ZMYND8: variants seen among roughly 807,000 people sequenced by gnomAD.
The protein encoded by ZMYND8 is zinc finger MYND-type containing 8.
A neutral mutation model predicts 140.8 loss-of-function variants in ZMYND8; 37 were observed. That is an observed-to-expected ratio of 0.26 (90% CI 0.20 to 0.35). The LOEUF is 0.35. Among genes scored for constraint, ZMYND8 ranks in the 10% least tolerant of loss-of-function variants. The pLI, the probability that ZMYND8 is intolerant of heterozygous loss-of-function variation, is 1.00. For missense variants in ZMYND8, 1,068 were observed against 1,570.0 expected (o/e 0.68, Z 5.40); for synonymous variants, 592 against 597.1 (o/e 0.99, Z 0.12).
intron 16 of ZMYND8, among the ~76,000 whole-genome samples, chr20:47,230,865 C>T (rs776722144): frequency 1.3e-5 from 2 of 152,150 alleles, no homozygotes; most frequent in African/African-American, 2.4e-5. Flanking sequence ...GCTCCCCCAG[C>T]GCCTGACAAC....
chr20:47,231,736 C>T (rs1424739741), intron 16 of ZMYND8, among the ~76,000 whole-genome samples: 1 of 152,258 alleles, frequency 6.6e-6, no homozygotes, highest in Non-Finnish European at 1.5e-5. Context: ...TGCAGCCCTC[C>T]TGCACTTGCC....
intron 1 of ZMYND8, chr20:47,351,568 A>G: frequency 1.3e-6 from 1 of 761,942 alleles, no homozygotes. Flanking sequence ...TTAATCCCCA[A>G]GGCATAACAT....
chr20:47,275,703 G>T (rs2076215311), intron 11 of ZMYND8, among the ~76,000 whole-genome samples: 1 of 151,884 alleles, frequency 6.6e-6, no homozygotes, highest in Non-Finnish European at 1.5e-5. Flanking sequence ...CCCAGGCTCC[G>T]GCAATCCTCC....
chr20:47,253,242 A>C (rs2074328427), intron 12 of ZMYND8, among the ~76,000 whole-genome samples: 1 of 152,194 alleles, frequency 6.6e-6, no homozygotes, highest in African/African-American at 2.4e-5. Flanking sequence ...AGCCTTTTAC[A>C]AACTTGCCAG....
chr20:47,270,697 GAAAAAAAAAA>G (rs34474269), intron 11 of ZMYND8, among the ~76,000 whole-genome samples: 4 of 86,636 alleles, frequency 4.6e-5, no homozygotes, highest in Non-Finnish European at 8.4e-5. Flanking sequence ...CCCTGTCTCT[GAAAAAAAAAA>G]AAAAAAAAAA....
intron 17 of ZMYND8, 71 bp from the exon 18 acceptor site, chr20:47,227,352 C>T (rs2037848050): frequency 2.8e-6 from 4 of 1,439,926 alleles, no homozygotes; most frequent in Non-Finnish European, 3.9e-6. Context: ...AGAAGCTCAA[C>T]CACGGCTGGC....
rs1465428246 is a variant in ZMYND8, at chr20:47,228,109, T to A, written c.2938-828A>T. On this transcript the variant is annotated intron_variant, in intron 17 of 22. Transcript: ENST00000471951. ...CTCTTCTCAAAAAAAAAAAAAAAAA[T>A]TTAATTTAAAAAATAATAATAAACA... 5.4e-5 allele frequency among the ~76,000 whole-genome samples: 8 copies of A among 149,070 alleles called. No homozygotes were observed. The East Asian group carries it at 7.8e-4, about 14-fold the overall frequency.
At chr20:47,256,385 C>T (rs562944773) in intron 12 of ZMYND8, among the ~76,000 whole-genome samples, 36 of 152,088 alleles carry the variant, frequency 2.4e-4, no homozygotes, top group African/African-American at 8.0e-4. Flanking sequence ...TTTGGGAGGC[C>T]GAGGCGAGTG....
intron 17 of ZMYND8, among the ~76,000 whole-genome samples, chr20:47,227,714 C>T (rs1338028281): frequency 6.6e-6 from 1 of 152,162 alleles, no homozygotes; most frequent in Non-Finnish European, 1.5e-5. Context: ...TATTTCTGGG[C>T]AGAGGAAGTG....
chr20:47,215,169 T>C (rs2035897432), intron 21 of ZMYND8, among the ~76,000 whole-genome samples: 3 of 152,160 alleles, frequency 2.0e-5, no homozygotes, highest in Admixed American at 2.0e-4. Context: ...GCTCAGGAGT[T>C]CGAGACCAAC....
intron 12 of ZMYND8, among the ~76,000 whole-genome samples, chr20:47,254,702 T>A (rs762849273): frequency 3.3e-4 from 45 of 135,786 alleles, no homozygotes; most frequent in Non-Finnish European, 6.6e-4. Flanking sequence ...GATATTTGGG[T>A]CCTGGATAAG....
chr20:47,277,651 T>TTTTATTTA (rs35308600), intron 10 of ZMYND8, among the ~76,000 whole-genome samples: 3,451 of 147,598 alleles, frequency 0.023, 99 homozygotes, highest in African/African-American at 0.064. Context: ...AATTAATTCA[T>TTTTATTTA]TTTATTTATT....
chr20:47,347,757 C>T lies in ZMYND8; in HGVS notation c.85+99G>A, dbSNP rs1602156252. 13 of 1,136,780 alleles carry T rather than the reference C, an allele frequency of 1.1e-5. No individual in the cohort carries two copies. In the East Asian group the frequency reaches 1.7e-4, roughly 14 times the overall value. 70.4% of individuals were successfully genotyped at this position (1,136,780 alleles called of 1,614,324 possible). On this transcript the variant is annotated intron_variant, in intron 2 of 22. Transcript: ENST00000471951. ...GAAAATCCAAGAAGAGTTACAACGT[C>T]GGCTCAGAGAGCCACACACTTCACT...
In ZMYND8 at chr20:47,298,893, G is replaced by T. The variant is rs749149790; in HGVS notation, c.289C>A (p.Pro97Thr). The T allele has an allele frequency of 3.1e-6, 5 of 1,614,110 alleles. No homozygotes were observed. In the South Asian group the frequency reaches 5.5e-5, roughly 18 times the overall value. ...CCATCCTGCGGTACAACATCAACAG[G>T]GTCTGTGGTGAGTGGCTGCTTCATA... The part of the protein sequence containing the change: ...YYMKQPLTTD[P>T]VDVVPQDGRN... The change falls in exon 4 of 23, where the codon CCT (proline) becomes ACT (threonine). Residue 97 changes from proline (P) to threonine (T), a missense_variant. Physicochemically the swap from Pro to Thr is conservative, Grantham distance 38 (BLOSUM62 -1). Around this residue, in one of 10 missense-constraint regions of ZMYND8, gnomAD observed 109 missense variants for 314.9 expected, o/e 0.35. Transcript: ENST00000471951. This position sits in a 1 kb window ranked among gnomAD's most constrained non-coding sequence, Gnocchi z 5.0.
At chr20:47,281,083 C>T (rs987297228) in intron 10 of ZMYND8, among the ~76,000 whole-genome samples, 6 of 151,978 alleles carry the variant, frequency 3.9e-5, no homozygotes, top group African/African-American at 1.2e-4. Flanking sequence ...CAGGCTGGCA[C>T]GCAGCAGTCA....
chr20:47,261,581 A>G (rs1318147299), intron 12 of ZMYND8, among the ~76,000 whole-genome samples: 2 of 138,946 alleles, frequency 1.4e-5, no homozygotes, highest in Non-Finnish European at 3.2e-5. Flanking sequence ...CATCATCATC[A>G]TCATCATCAT....
chr20:47,307,384 G>A (rs2148175766), intron 3 of ZMYND8, among the ~76,000 whole-genome samples: 1 of 152,006 alleles, frequency 6.6e-6, no homozygotes, highest in East Asian at 1.9e-4. Flanking sequence ...CTTGAACCCA[G>A]GAGGCAGAGG....
chr20:47,310,909 G>A (rs889402485), intron 2 of ZMYND8, among the ~76,000 whole-genome samples: 2 of 151,296 alleles, frequency 1.3e-5, no homozygotes, highest in African/African-American at 4.9e-5. Flanking sequence ...TCCCCACTAC[G>A]TCCCTGCTGA....
At chr20:47,229,530 AG>A (rs1432958962) in intron 17 of ZMYND8, among the ~76,000 whole-genome samples, 195 bp downstream of exon 17, 1 of 152,208 alleles carries the variant, frequency 6.6e-6, no homozygotes, top group Non-Finnish European at 1.5e-5. Context: ...CACACAAAGC[AG>A]GGCATGTCTC....
Sources: gnomAD v4.1 joint callset for allele counts (sites outside exome capture counted in the v4.1 genomes callset) on GRCh38, gnomAD v4.1.1 for gene constraint, gnomAD v4.1.1 regional missense constraint, Gnocchi (gnomAD v3.1) non-coding constraint, MANE v1.5 for transcripts, NCBI Gene and HGNC (gene_info 2026-07-23, HGNC 2026-07-21) for gene names.